CACNA1D: variants seen among roughly 807,000 people sequenced by gnomAD.
CACNA1D encodes the protein calcium voltage-gated channel subunit alpha1 D.
In CACNA1D, 55 loss-of-function variants were observed where a neutral mutation model predicts 257.1. That is an observed-to-expected ratio of 0.21 (90% CI 0.17 to 0.27). The LOEUF (loss-of-function observed/expected upper bound fraction) is 0.27. Among genes scored for constraint, CACNA1D ranks in the 10% least tolerant of loss-of-function variants. CACNA1D has a pLI of 1.00. For synonymous variants in CACNA1D, 980 were observed against 1,014.9 expected (o/e 0.97, Z 0.65); for missense variants, 1,876 against 2,784.0 (o/e 0.67, Z 7.34).
chr3:53,747,115 C>T (rs2095177244), intron 25 of CACNA1D, among the ~76,000 whole-genome samples, 187 bp from the exon 26 acceptor site: 2 of 152,086 alleles, frequency 1.3e-5, no homozygotes. Context: ...TTATTTGAGC[C>T]GCGAAGTAGA....
chr3:53,777,355 C>G (rs887545090), intron 37 of CACNA1D, among the ~76,000 whole-genome samples: 1 of 152,196 alleles, frequency 6.6e-6, no homozygotes, highest in Admixed American at 6.5e-5. Flanking sequence ...CAGGTACAAG[C>G]TGAGCCTTCT....
Position 53,810,143 on chromosome 3 carries a change from A to C in CACNA1D, c.6037A>C (p.Asn2013His). The C allele has an allele frequency of 6.2e-7, 1 of 1,613,944 alleles. No homozygotes were observed. Among genetic ancestry groups the C allele is most frequent in the South Asian group, 1.1e-5 (1 of 91,082 alleles). ...GCAGTCAGAGGCCCTGGACCAGGTG[A>C]ACGGCAGCCTGCCGTCCCTGCACCG... Reference protein sequence around the residue: ...VEQSEALDQVNGSLPSLHRSS... With the variant: ...VEQSEALDQVHGSLPSLHRSS... The change falls in exon 47 of 48, where the codon AAC (asparagine) becomes CAC (histidine). Residue 2013 changes from asparagine to histidine, a missense_variant. By Grantham distance (68) the Asn-to-His change is moderately conservative. Coordinates refer to ENST00000350061, the MANE Select transcript of CACNA1D (RefSeq NM_001128840.3).
At chr3:53,731,172 C>T (rs770557536) in intron 17 of CACNA1D, 26 bp downstream of exon 17, 1 of 1,475,566 alleles carries the variant, frequency 6.8e-7, no homozygotes, top group Middle Eastern at 1.7e-4. Context: ...TGCTTCTCCC[C>T]TTTTTGTTTC....
intron 8 of CACNA1D, among the ~76,000 whole-genome samples, chr3:53,691,822 A>G (rs1406066421): frequency 1.1e-5 from 1 of 87,556 alleles, no homozygotes; most frequent in Non-Finnish European, 2.2e-5. Flanking sequence ...ATTATATATT[A>G]TATCTATAAT....
chr3:53,731,300 CA>C (rs774717900), intron 17 of CACNA1D, among the ~76,000 whole-genome samples, 154 bp downstream of exon 17: 1 of 151,978 alleles, frequency 6.6e-6, no homozygotes, highest in South Asian at 2.1e-4. Context: ...CCTGGCTTCC[CA>C]GGGGGGATTC....
At chr3:53,720,081 C>T (rs1211361872) in intron 11 of CACNA1D, among the ~76,000 whole-genome samples, 3 of 152,102 alleles carry the variant, frequency 2.0e-5, no homozygotes, top group Admixed American at 6.6e-5. Flanking sequence ...CTTTTCTGCT[C>T]GAAAGCTTTC....
At chr3:53,771,727 A>G (rs958725149) in intron 32 of CACNA1D, among the ~76,000 whole-genome samples, 2 of 152,284 alleles carry the variant, frequency 1.3e-5, no homozygotes, top group Non-Finnish European at 2.9e-5. Context: ...TAAAGATTCA[A>G]TTTGCCACAG....
At chr3:53,598,425 A>C (rs1489991495) in intron 3 of CACNA1D, among the ~76,000 whole-genome samples, 4 of 151,788 alleles carry the variant, frequency 2.6e-5, no homozygotes, top group African/African-American at 9.7e-5. Flanking sequence ...AAAAAAAAAA[A>C]ACCCAAAAAT....
At chr3:53,740,252 T>C in intron 20 of CACNA1D, 28 bp from the exon 21 acceptor site, 1 of 1,556,776 alleles carries the variant, frequency 6.4e-7, no homozygotes, top group Non-Finnish European at 8.9e-7. Context: ...GAATTCCTTT[T>C]CTCACTCCCA....
chr3:53,724,447 G>A (rs568396491), intron 14 of CACNA1D, among the ~76,000 whole-genome samples: 6 of 152,168 alleles, frequency 3.9e-5, no homozygotes, highest in Non-Finnish European at 7.4e-5. Flanking sequence ...AATCAGAGTG[G>A]TAGGAACTGT....
intron 3 of CACNA1D, among the ~76,000 whole-genome samples, chr3:53,589,758 T>C (rs2107798824): frequency 6.6e-6 from 1 of 152,274 alleles, no homozygotes; most frequent in Non-Finnish European, 1.5e-5. Context: ...TACAGGCATG[T>C]GCCATTGTGC....
intron 3 of CACNA1D, among the ~76,000 whole-genome samples, chr3:53,604,054 T>G (rs2093477726): frequency 6.6e-6 from 1 of 152,232 alleles, no homozygotes; most frequent in Non-Finnish European, 1.5e-5. Flanking sequence ...ACAGGCAGAT[T>G]TGTCTGGAGG....
chr3:53,766,418 G>T (rs192605647), intron 30 of CACNA1D, among the ~76,000 whole-genome samples: 5 of 152,356 alleles, frequency 3.3e-5, no homozygotes, highest in African/African-American at 7.2e-5. Flanking sequence ...TGGCTTCTCC[G>T]CAATGCCTCG....
At chr3:53,797,447 T>C (rs2095512857) in intron 40 of CACNA1D, among the ~76,000 whole-genome samples, 2 of 152,240 alleles carry the variant, frequency 1.3e-5, no homozygotes, top group South Asian at 4.1e-4. Flanking sequence ...GATTTCTGAC[T>C]CTCTGCTTCT....
chr3:53,809,090 A>G, intron 46 of CACNA1D: 1 of 345,678 alleles, frequency 2.9e-6, no homozygotes, highest in Non-Finnish European at 5.4e-6. Flanking sequence ...ATCTGAGCTC[A>G]GGGAGTGGGG....
At chr3:53,749,010 A>AT (rs1405969726) in intron 26 of CACNA1D, 1 of 610,916 alleles carries the variant, frequency 1.6e-6, no homozygotes, top group Non-Finnish European at 3.0e-6. Context: ...GTTTTAGGAT[A>AT]TTTGTGAAAT....
chr3:53,663,781 C>CTCTCTT lies in CACNA1D; in HGVS notation c.767-1874_767-1873insTTCTCT, dbSNP rs141498153. On this transcript the variant is annotated intron_variant, in intron 5 of 47. Coordinates refer to ENST00000350061, the MANE Select transcript of CACNA1D (RefSeq NM_001128840.3). ...TTTTAAATGTAGGAAATAATCGTCTCTCTCTCTCTCTCTCTCTTTTTTTTG... is the reference window on the plus strand; with the variant it reads ...TTTTAAATGTAGGAAATAATCGTCTCTCTCTTTCTCTCTCTCTCTCTCTTTTTTTTG... 4.2e-3 allele frequency among the ~76,000 whole-genome samples: 638 copies of CTCTCTT among 151,992 alleles called. 23 individuals carry two copies. In the East Asian group the frequency reaches 0.085, roughly 20 times the overall value.
At chr3:53,650,304 C>G (rs79958847) in intron 3 of CACNA1D, among the ~76,000 whole-genome samples, 71 of 152,256 alleles carry the variant, frequency 4.7e-4, no homozygotes, top group African/African-American at 1.6e-3. Flanking sequence ...AGACATAAAC[C>G]CAAGAGGAAG....
intron 3 of CACNA1D, among the ~76,000 whole-genome samples, chr3:53,535,249 A>AAGGC (rs934890480): frequency 6.6e-6 from 1 of 152,090 alleles, no homozygotes; most frequent in African/African-American, 2.4e-5. Flanking sequence ...CGGTGACGTA[A>AAGGC]AGGCAGGCAG....
Sources: allele counts gnomAD v4.1 joint callset (sites outside exome capture counted in the v4.1 genomes callset), GRCh38; gene constraint gnomAD v4.1.1; transcripts MANE v1.5; gene names NCBI Gene and HGNC (gene_info 2026-07-23, HGNC 2026-07-21).